Variants in PLXNB3 observed in about 807,000 individuals in gnomAD.
PLXNB3 encodes the protein plexin-B3.
In PLXNB3, 80 loss-of-function variants were observed where a neutral mutation model predicts 125.7. The ratio of observed to expected loss-of-function variants is 0.64; its 90% CI spans 0.53 to 0.77. The LOEUF is 0.77. Among genes scored for constraint, PLXNB3 ranks in the 30% least tolerant of loss-of-function variants. PLXNB3 has a pLI of 0.00. For missense variants in PLXNB3, 1,836 were observed against 1,729.3 expected (o/e 1.06, Z -1.09); for synonymous variants, 954 against 783.3 (o/e 1.22, Z -3.64).
chrX:153,766,575 T>C, intron 2 of PLXNB3: 4 of 1,039,916 alleles, frequency 3.8e-6, no homozygotes, highest in African/African-American at 3.9e-5. Context: ...ACAATCTACA[T>C]GCATATAAAG....
In PLXNB3 at chrX:153,770,544, G is replaced by C; in HGVS notation, c.1912G>C (p.Gly638Arg). 1 of 1,211,035 alleles carries C rather than the reference G, an allele frequency of 8.3e-7. No individual in the cohort carries two copies. The highest frequency in any genetic ancestry group is 1.1e-6 in the Non-Finnish European group (1 of 895,356). ...EAAAPCRACVGSIWRCHWCPQ... is the reference protein window; with the variant it reads ...EAAAPCRACVRSIWRCHWCPQ... ...CCCCTCTAGGTGTCGCGCTTGCGTG[G>C]GCAGCATCTGGCGGTGTCACTGGTG... Residue 638 changes from glycine to arginine, a missense_variant, in exon 10 of 36, where the codon GGC (glycine) becomes CGC (arginine). Gly to Arg is a moderately radical substitution (Grantham distance 125). Coordinates refer to ENST00000361971, the MANE Select transcript of PLXNB3 (RefSeq NM_005393.3).
intron 2 of PLXNB3, 105 bp from the exon 3 acceptor site, chrX:153,766,768 T>C (rs1557059340): frequency 1.2e-5 from 13 of 1,080,108 alleles, no homozygotes; most frequent in Non-Finnish European, 1.6e-5. Flanking sequence ...CCTCCCTCCC[T>C]CCCTGGCCCT....
At chrX:153,766,668 A>G in intron 2 of PLXNB3, 1 of 747,353 alleles carries the variant, frequency 1.3e-6, no homozygotes, top group Non-Finnish European at 1.6e-6. Flanking sequence ...GCTCTTGGAC[A>G]CTGTCTTTGT....
chrX:153,766,273 T>C, intron 2 of PLXNB3: 1 of 1,166,269 alleles, frequency 8.6e-7, no homozygotes, highest in African/African-American at 1.8e-5. Flanking sequence ...TGCCTGGCTC[T>C]TTCCCCCAGC....
intron 35 of PLXNB3, 110 bp from the exon 36 acceptor site, chrX:153,778,825 C>T: frequency 9.0e-7 from 1 of 1,110,227 alleles, no homozygotes; most frequent in Non-Finnish European, 1.2e-6. Context: ...AGACGCCAGG[C>T]AGCCCCTGCT....
rs1557062965 is a variant in PLXNB3 at position 153,773,990 on chromosome X, T to G, written c.3411T>G (p.Ser1137Arg). 8.3e-7 allele frequency: 1 copy of G among 1,209,561 alleles called. No homozygotes were observed. Among genetic ancestry groups the G allele is most frequent in the Non-Finnish European group, 1.1e-6 (1 of 894,633 alleles). ...TGCAAGTGGACTTCGCCAGTGCCAG[T>G]GGGGGCCAGGGCTTCCTGTACCAGC... ...DNVQVDFASA[S>R]GGQGFLYQPN... Residue 1137 changes from serine to arginine, a missense_variant, in exon 20 of 36, where the codon AGT becomes AGG. Ser to Arg is a moderately radical substitution (Grantham distance 110). Transcript: ENST00000361971.
chrX:153,767,234 G>A lies in PLXNB3; in HGVS notation c.407G>A (p.Arg136Gln), dbSNP rs371894136. ...AQELVACGQV[R>Q]QGVCETRRLG... ...GAGCTGGTGGCCTGCGGGCAGGTGCGGCAGGGCGTGTGTGAGACACGGCGC... is the reference window on the plus strand; with the variant it reads ...GAGCTGGTGGCCTGCGGGCAGGTGCAGCAGGGCGTGTGTGAGACACGGCGC... Residue 136 changes from arginine to glutamine, a missense_variant, in exon 3 of 36, where the codon CGG (arginine) becomes CAG (glutamine). Physicochemically the swap from Arg to Gln is conservative, Grantham distance 43. Transcript: ENST00000361971. 8 of 1,202,834 alleles carry A rather than the reference G, an allele frequency of 6.7e-6. No homozygotes were observed. The African/African-American group carries it at 8.7e-5, about 13-fold the overall frequency.
Position 153,772,198 on chromosome X carries a change from T to C in PLXNB3, c.2686T>C (p.Ser896Pro). ...RTSARIVCVTSPAPNGTTGPV... is the reference protein window; with the variant it reads ...RTSARIVCVTPPAPNGTTGPV... ...GCTTTCCAGGATTGTGTGTGTGACA[T>C]CTCCTGCCCCCAATGGCACCACTGG... Residue 896 changes from serine (S) to proline (P), a missense_variant, in exon 16 of 36, where the codon TCT (serine) becomes CCT (proline). By Grantham distance (74) the Ser-to-Pro change is moderately conservative. Transcript: ENST00000361971. 8.3e-7 allele frequency: 1 copy of C among 1,207,940 alleles called. No individual in the cohort carries two copies. The highest frequency in any genetic ancestry group is 1.1e-6 in the Non-Finnish European group (1 of 893,580).
chrX:153,768,190 C>T, intron 3 of PLXNB3, 59 bp from the exon 4 acceptor site: 1 of 1,073,229 alleles, frequency 9.3e-7, no homozygotes, highest in Non-Finnish European at 1.3e-6. Flanking sequence ...CCTGGGTACC[C>T]CCCCTGACTG....
rs781794251 is a variant in PLXNB3, at chrX:153,767,823, C to G, written c.996C>G (p.Leu332=). 2 of 1,153,992 alleles carry G rather than the reference C, an allele frequency of 1.7e-6. No individual in the cohort carries two copies. The highest frequency in any genetic ancestry group is 5.3e-5 in the Admixed American group (2 of 37,634). The change falls in exon 3 of 36, where the codon CTC becomes CTG. Residue 332 remains leucine (L), a synonymous_variant. Coordinates refer to ENST00000361971, the MANE Select transcript of PLXNB3 (RefSeq NM_005393.3). ...CCAGCATGGAGCAGGCCCGGAGACT[C>G]TGCTACACGGCGGGCGGCCGGGGCC... ...LGASMEQARR[L]CYTAGGRGPS... is the part of the protein sequence containing the mutation.
intron 35 of PLXNB3, 125 bp downstream of exon 35, chrX:153,778,799 TTC>T (rs2092024463): frequency 1.8e-6 from 2 of 1,115,232 alleles, no homozygotes; most frequent in African/African-American, 1.8e-5. Flanking sequence ...TCGGCTTTCA[TTC>T]TGATTCCCCA....
chrX:153,772,600 G>A (rs2091943874), intron 16 of PLXNB3: 8 of 754,467 alleles, frequency 1.1e-5, no homozygotes, highest in Non-Finnish European at 1.2e-5. Context: ...AGAGCTCCAG[G>A]TCTGGGGGCT....
chrX:153,767,032 G>A lies in PLXNB3; in HGVS notation c.205G>A (p.Gly69Ser). ...LAPGRGTLYVGAVNRLFQLSP... is the reference protein window; with the variant it reads ...LAPGRGTLYVSAVNRLFQLSP... Reference sequence around the variant, plus strand: ...ACCTGGCCGAGGCACACTCTATGTCGGCGCAGTGAACCGCCTCTTCCAGCT... The same window carrying A: ...ACCTGGCCGAGGCACACTCTATGTCAGCGCAGTGAACCGCCTCTTCCAGCT... The change falls in exon 3 of 36, where the codon GGC becomes AGC. Residue 69 changes from glycine to serine, a missense_variant. Transcript: ENST00000361971. The A allele has an allele frequency of 8.3e-7, 1 of 1,210,792 alleles. No homozygotes were observed. Among genetic ancestry groups the A allele is most frequent in the Non-Finnish European group, 1.1e-6 (1 of 895,468 alleles).
At chrX:153,764,750 C>A (rs782529844) in intron 1 of PLXNB3, among the ~76,000 whole-genome samples, 1 of 112,755 alleles carries the variant, frequency 8.9e-6, no homozygotes, top group Non-Finnish European at 1.9e-5. Flanking sequence ...GACAGGGGGT[C>A]TAGCTGCTAG....
Position 153,767,871 on chromosome X carries a change from C to G in PLXNB3, c.1044C>G (p.Thr348=), listed in dbSNP as rs782270036. ...GRGPSGAEEA[T]VEYGVTSRCV... ...GCCCCAGCGGCGCAGAGGAAGCCAC[C>G]GTGGAGTACGGCGTCACGTCGCGCT... is the stretch of plus-strand genomic sequence containing the variant. The change falls in exon 3 of 36, where the codon ACC becomes ACG. Residue 348 remains threonine (T), a synonymous_variant. Transcript: ENST00000361971. 1 of 1,117,693 alleles carries G rather than the reference C, an allele frequency of 8.9e-7. No homozygotes were observed. The highest frequency in any genetic ancestry group is 1.2e-6 in the Non-Finnish European group (1 of 850,895). 92.1% of individuals were successfully genotyped at this position (1,117,693 alleles called of 1,213,427 possible). A position where few individuals can be genotyped will look rare whatever the true frequency, so the allele number is the denominator to read the frequency against.
chrX:153,775,921 G>A lies in PLXNB3; in HGVS notation c.4436G>A (p.Arg1479Gln). Residue 1479 changes from arginine to glutamine, a missense_variant, in exon 27 of 36, where the codon CGG (arginine) becomes CAG (glutamine). By Grantham distance (43) the Arg-to-Gln change is conservative. Coordinates refer to ENST00000361971, the MANE Select transcript of PLXNB3 (RefSeq NM_005393.3). ...VAGEPLYMLF[R>Q]AIQYQVDKGP... is the part of the protein sequence containing the mutation. ...GGTGAACCACTGTACATGCTCTTCC[G>A]GGCCATCCAGTACCAGGTGGACAAA... The A allele has an allele frequency of 3.3e-6, 4 of 1,210,651 alleles. No homozygotes were observed. Among genetic ancestry groups the A allele is most frequent in the Non-Finnish European group, 3.4e-6 (3 of 895,231 alleles).
At chrX:153,773,105 C>A in intron 17 of PLXNB3, 89 bp downstream of exon 17, 1 of 1,071,117 alleles carries the variant, frequency 9.3e-7, no homozygotes, top group South Asian at 2.3e-5. Context: ...TTGCTGTGGC[C>A]ACCCCCAGTG....
rs1372051345 is a variant in PLXNB3 at position 153,777,299 on chromosome X, G to A, written c.5019G>A (p.Arg1673=). ...AGGAGCCAGAAGGGGCCAAGGTGCG[G>A]TGCAGCAGCCTGCGGGAGCGCGAGC... ...ATEEPEGAKV[R]CSSLREREPA... Residue 1673 remains arginine, a synonymous_variant, in exon 30 of 36, where the codon CGG becomes CGA. Coordinates refer to ENST00000361971, the MANE Select transcript of PLXNB3 (RefSeq NM_005393.3). The A allele has an allele frequency of 8.3e-7, 1 of 1,204,880 alleles. No individual in the cohort carries two copies. The highest frequency in any genetic ancestry group is 1.7e-5 in the African/African-American group (1 of 57,551).
Position 153,771,938 on chromosome X carries a change from C to T in PLXNB3, c.2592C>T (p.Phe864=), listed in dbSNP as rs782788656. The T allele has an allele frequency of 5.0e-6, 6 of 1,208,579 alleles. No individual in the cohort carries two copies. Among genetic ancestry groups the T allele is most frequent in the Middle Eastern group, 2.3e-4 (1 of 4,342 alleles). The change falls in exon 15 of 36, where the codon TTC becomes TTT. Residue 864 remains phenylalanine (F), a synonymous_variant. Transcript: ENST00000361971. ...TGGGCTCCAACCTGGGCCGGGCCTTCGCCGATGTGCAGTACGCCGTGAGCG... is the reference window on the plus strand; with the variant it reads ...TGGGCTCCAACCTGGGCCGGGCCTTTGCCGATGTGCAGTACGCCGTGAGCG... ...TILGSNLGRA[F]ADVQYAVSVA...
Sources: gnomAD v4.1 joint callset for allele counts (sites outside exome capture counted in the v4.1 genomes callset) on GRCh38, gnomAD v4.1.1 for gene constraint, MANE v1.5 for transcripts, NCBI Gene and HGNC (gene_info 2026-07-23, HGNC 2026-07-21) for gene names.